Variants in ZFHX3 observed in about 807,000 individuals in gnomAD.
ZFHX3 encodes zinc finger homeobox 3.
A neutral mutation model predicts 279.1 loss-of-function variants in ZFHX3; 42 were observed. That is an observed-to-expected ratio of 0.15 (90% CI 0.12 to 0.19). ZFHX3 has a LOEUF of 0.19. ZFHX3 is among the 10% of genes least tolerant of loss of function. The pLI is 1.00. For missense variants in ZFHX3, 4,981 were observed against 4,754.0 expected (o/e 1.05, Z -1.40); for synonymous variants, 2,293 against 1,957.8 (o/e 1.17, Z -4.52).
At chr16:73,606,950 T>C (rs547926603) in intron 2 of ZFHX3, among the ~76,000 whole-genome samples, 4 of 152,154 alleles carry the variant, frequency 2.6e-5, no homozygotes, top group Non-Finnish European at 5.9e-5. Flanking sequence ...AATCTCCAGC[T>C]CTGAGCAACA....
chr16:73,202,431 CAA>C (rs1194085654), intron 5 of ZFHX3, among the ~76,000 whole-genome samples: 1 of 152,196 alleles, frequency 6.6e-6, no homozygotes, highest in Non-Finnish European at 1.5e-5. Context: ...GTGAATAGCT[CAA>C]AGAGTTTCTG....
rs139636321 is a variant in ZFHX3 at position 73,588,756 on chromosome 16, C to T, written c.-1547+91424G>A. 5.7e-3 allele frequency among the ~76,000 whole-genome samples: 854 copies of T among 150,762 alleles called. 6 individuals are homozygous for T. The highest frequency in any genetic ancestry group is 9.2e-3 in the Non-Finnish European group (620 of 67,742). Reference sequence around the variant, plus strand: ...AAGAGAGAGGAATATAGTCAACACCCCCAAGGACATGCAATCATCAAAATT... The same window carrying T: ...AAGAGAGAGGAATATAGTCAACACCTCCAAGGACATGCAATCATCAAAATT... On this transcript the variant is annotated intron_variant, in intron 2 of 17. Transcript: ENST00000641206.
intron 1 of ZFHX3, among the ~76,000 whole-genome samples, chr16:73,878,940 G>GATATAT (rs3082335): frequency 0.013 from 1,776 of 140,976 alleles, 33 homozygotes; most frequent in African/African-American, 0.033. Flanking sequence ...AAAAAGATAA[G>GATATAT]ATATATATAT....
chr16:73,150,911 C>A (rs192469054), intron 5 of ZFHX3, among the ~76,000 whole-genome samples: 1 of 151,980 alleles, frequency 6.6e-6, no homozygotes, highest in African/African-American at 2.4e-5. Flanking sequence ...CAAGTGTGCG[C>A]GCAGATAAGA....
At chr16:73,747,854 C>T (rs1366159296) in intron 1 of ZFHX3, among the ~76,000 whole-genome samples, 3 of 152,174 alleles carry the variant, frequency 2.0e-5, no homozygotes, top group Non-Finnish European at 2.9e-5. Context: ...GTCAATACCA[C>T]GACCAGTTGC....
intron 3 of ZFHX3, among the ~76,000 whole-genome samples, chr16:73,358,592 G>A (rs1788922800): frequency 6.6e-6 from 1 of 152,220 alleles, no homozygotes; most frequent in Admixed American, 6.5e-5. Context: ...AGCTAAGATG[G>A]TACATTGTTT....
intron 4 of ZFHX3, among the ~76,000 whole-genome samples, chr16:73,308,682 G>A (rs1465724155): frequency 2.0e-5 from 3 of 152,010 alleles, no homozygotes; most frequent in Admixed American, 6.6e-5. Flanking sequence ...GTGTTACAAT[G>A]GAACAACTTA....
At chr16:73,290,845 C>T (rs1011353133) in intron 4 of ZFHX3, among the ~76,000 whole-genome samples, 3 of 152,166 alleles carry the variant, frequency 2.0e-5, no homozygotes, top group Admixed American at 2.0e-4. Flanking sequence ...ATTAAGGAAC[C>T]TTGGTTAGTG....
intron 3 of ZFHX3, among the ~76,000 whole-genome samples, chr16:73,451,774 G>T (rs151315425): frequency 5.3e-5 from 8 of 152,238 alleles, no homozygotes; most frequent in Non-Finnish European, 8.8e-5. Flanking sequence ...TTAAAAAACG[G>T]AACTAAATAC....
At chr16:73,557,589 T>C (rs2020306912) in intron 2 of ZFHX3, among the ~76,000 whole-genome samples, 1 of 152,134 alleles carries the variant, frequency 6.6e-6, no homozygotes, top group Non-Finnish European at 1.5e-5. Flanking sequence ...TTCCTGACAT[T>C]GTCATGGCAT....
intron 2 of ZFHX3, among the ~76,000 whole-genome samples, chr16:73,642,057 T>C (rs2142156926): frequency 6.6e-6 from 1 of 152,230 alleles, no homozygotes; most frequent in Non-Finnish European, 1.5e-5. Context: ...TTTGTTTCTC[T>C]TTAAGGCAGC....
intron 2 of ZFHX3, among the ~76,000 whole-genome samples, chr16:73,621,150 G>A: frequency 6.6e-6 from 1 of 152,182 alleles, no homozygotes; most frequent in Non-Finnish European, 1.5e-5. Flanking sequence ...CATAACATGT[G>A]TAAGTCTCCC....
At chr16:73,555,917 T>C (rs1379334455) in intron 2 of ZFHX3, among the ~76,000 whole-genome samples, 2 of 151,816 alleles carry the variant, frequency 1.3e-5, no homozygotes, top group East Asian at 3.9e-4. Flanking sequence ...AAGCCAGGCT[T>C]TGAAATTAAA....
chr16:73,555,830 C>G (rs2020273003), intron 2 of ZFHX3, among the ~76,000 whole-genome samples: 1 of 147,908 alleles, frequency 6.8e-6, no homozygotes, highest in Non-Finnish European at 1.5e-5. Flanking sequence ...AAAACTCCAT[C>G]TCAAAAAAAA....
intron 1 of ZFHX3, among the ~76,000 whole-genome samples, chr16:73,005,363 C>T (rs1186009790): frequency 1.3e-5 from 2 of 152,000 alleles, no homozygotes; most frequent in Non-Finnish European, 2.9e-5. Context: ...GGCATGGTGG[C>T]GCACACCTGT....
intron 2 of ZFHX3, among the ~76,000 whole-genome samples, chr16:73,505,927 C>T (rs746839837): frequency 6.6e-6 from 1 of 152,188 alleles, no homozygotes; most frequent in Non-Finnish European, 1.5e-5. Context: ...ATTCTCTTTC[C>T]GTCCATTCAG....
intron 3 of ZFHX3, among the ~76,000 whole-genome samples, chr16:72,921,069 C>CAAAAAAAAAAAAAAA (rs57294537): frequency 4.2e-5 from 1 of 23,572 alleles, no homozygotes; most frequent in African/African-American, 1.4e-4. Flanking sequence ...CAGACCTTGT[C>CAAAAAAAAAAAAAAA]AAAAAAAAAA....
chr16:73,551,259 GC>G (rs1334082247), intron 2 of ZFHX3, among the ~76,000 whole-genome samples: 20 of 151,956 alleles, frequency 1.3e-4, no homozygotes, highest in Non-Finnish European at 2.4e-4. Context: ...TTTTCAAGTG[GC>G]CCCCACACTC....
At chr16:73,449,178 G>A (rs1237006799) in intron 3 of ZFHX3, among the ~76,000 whole-genome samples, 2 of 152,152 alleles carry the variant, frequency 1.3e-5, no homozygotes, top group Non-Finnish European at 2.9e-5. Flanking sequence ...ACATTTTGAG[G>A]GAAAGAAAGT....
Sources: gnomAD v4.1 joint callset for allele counts (sites outside exome capture counted in the v4.1 genomes callset) on GRCh38, gnomAD v4.1.1 for gene constraint, MANE v1.5 for transcripts, NCBI Gene and HGNC (gene_info 2026-07-23, HGNC 2026-07-21) for gene names.